The following HLCS variants were observed in gnomAD, a reference collection of about 807,000 sequenced individuals.
HLCS encodes biotin--protein ligase.
HLCS carries 53 observed loss-of-function variants against 75.0 expected under a neutral mutation model. The ratio of observed to expected loss-of-function variants is 0.71; its 90% CI spans 0.57 to 0.89. The LOEUF is 0.89. Ranked by LOEUF, HLCS falls within the 40% of genes least tolerant of loss-of-function variation. The pLI is 0.00. For synonymous variants in HLCS, 431 were observed against 428.6 expected (o/e 1.01, Z -0.07); for missense variants, 966 against 1,074.0 (o/e 0.90, Z 1.41).
chr21:36,780,637 T>C (rs749434960), intron 6 of HLCS, among the ~76,000 whole-genome samples: 1 of 152,162 alleles, frequency 6.6e-6, no homozygotes, highest in Non-Finnish European at 1.5e-5. Context: ...ATGAACACTC[T>C]TATTCGCATG....
At chr21:36,929,785 T>G (rs2066555969) in intron 5 of HLCS, among the ~76,000 whole-genome samples, 1 of 152,166 alleles carries the variant, frequency 6.6e-6, no homozygotes, top group South Asian at 2.1e-4. Flanking sequence ...CCAAGAGAAT[T>G]CCCGAACACA....
upstream of HLCS, among the ~76,000 whole-genome samples, chr21:36,970,233 C>A (rs906263652): frequency 6.6e-6 from 1 of 152,132 alleles, no homozygotes; most frequent in Non-Finnish European, 1.5e-5. Context: ...AGAAGGATAG[C>A]TTGTTTTGTT....
intron 2 of HLCS, among the ~76,000 whole-genome samples, chr21:36,952,039 A>G (rs891790942): frequency 6.6e-6 from 1 of 152,228 alleles, no homozygotes; most frequent in African/African-American, 2.4e-5. Context: ...ATTCAAAAAG[A>G]TATTTTAAAT....
intron 6 of HLCS, among the ~76,000 whole-genome samples, chr21:36,858,743 G>A (rs1434020439): frequency 2.0e-5 from 3 of 152,192 alleles, no homozygotes; most frequent in Admixed American, 1.3e-4. Flanking sequence ...AGGACCTCTG[G>A]GCATCTGCAG....
intron 6 of HLCS, among the ~76,000 whole-genome samples, chr21:36,812,345 C>T (rs868773264): frequency 1.3e-5 from 2 of 152,166 alleles, no homozygotes; most frequent in Non-Finnish European, 2.9e-5. Flanking sequence ...TTCTAACACA[C>T]AGAGTATGTT....
chr21:36,959,303 C>T (rs546209166), intron 2 of HLCS, among the ~76,000 whole-genome samples: 1 of 152,338 alleles, frequency 6.6e-6, no homozygotes, highest in African/African-American at 2.4e-5. Context: ...GACACACCAG[C>T]CCCCTGCCAC....
intron 6 of HLCS, among the ~76,000 whole-genome samples, chr21:36,793,549 C>G (rs928500482): frequency 6.6e-6 from 1 of 152,096 alleles, no homozygotes; most frequent in African/African-American, 2.4e-5. Flanking sequence ...ATCCACCCGC[C>G]TCGGCCTCCC....
chr21:36,762,782 G>A (rs898178383), intron 8 of HLCS, among the ~76,000 whole-genome samples: 3 of 152,296 alleles, frequency 2.0e-5, no homozygotes, highest in East Asian at 1.9e-4. Flanking sequence ...CCCGTTCACC[G>A]CTGAAGGCAA....
intron 6 of HLCS, among the ~76,000 whole-genome samples, chr21:36,780,775 CAG>C (rs1303190736): frequency 1.3e-5 from 2 of 152,124 alleles, no homozygotes; most frequent in African/African-American, 4.8e-5. Context: ...CACAGCCGCG[CAG>C]AGATACCTGT....
At position 36,792,188 on chromosome 21, in the gene HLCS, C is replaced by A. The variant is rs116006580; in HGVS notation, c.1893-24903G>T. 3.5e-3 allele frequency among the ~76,000 whole-genome samples: 539 copies of A among 152,116 alleles called. 1 individual carries two copies. The highest frequency in any genetic ancestry group is 0.012 in the African/African-American group (489 of 41,520). On this transcript the variant is annotated intron_variant, in intron 6 of 10. Coordinates refer to ENST00000674895, the MANE Select transcript of HLCS (RefSeq NM_001352514.2). The stretch of plus-strand genomic sequence containing the variant: ...CCAATAGTGAAACCTAGAAGGGGAC[C>A]CTGGTAAATCACCCGGCGGCTACCC...
At chr21:36,767,345 G>T in intron 6 of HLCS, 60 bp from the exon 7 acceptor site, 2 of 1,508,592 alleles carry the variant, frequency 1.3e-6, no homozygotes, top group Non-Finnish European at 1.8e-6. Context: ...GGCACCAATG[G>T]CTCACACAGG....
chr21:36,963,782 C>A (rs2146676180), intron 1 of HLCS, among the ~76,000 whole-genome samples: 1 of 152,302 alleles, frequency 6.6e-6, no homozygotes, highest in Admixed American at 6.5e-5. Flanking sequence ...TTTATCCAAG[C>A]ATAGAATGTG....
chr21:36,833,708 G>C (rs796684205), intron 6 of HLCS, among the ~76,000 whole-genome samples: 9 of 150,976 alleles, frequency 6.0e-5, no homozygotes, highest in African/African-American at 2.2e-4. Context: ...AGAGGATAAG[G>C]CATCAGTCAA....
At chr21:36,850,998 G>A (rs534985347) in intron 6 of HLCS, among the ~76,000 whole-genome samples, 5 of 152,248 alleles carry the variant, frequency 3.3e-5, no homozygotes, top group South Asian at 4.2e-4. Context: ...ACAGGTGATG[G>A]GCAGGGTGGG....
At chr21:36,911,428 A>T (rs2146400199) in intron 5 of HLCS, among the ~76,000 whole-genome samples, 1 of 152,166 alleles carries the variant, frequency 6.6e-6, no homozygotes, top group East Asian at 1.9e-4. Context: ...ACAGAAGGGG[A>T]CTATTTTGGT....
intron 10 of HLCS, among the ~76,000 whole-genome samples, chr21:36,755,828 C>A (rs910155253): frequency 6.6e-6 from 1 of 152,174 alleles, no homozygotes. Flanking sequence ...TGGGCCCAGC[C>A]CAGGGGTTTC....
intron 6 of HLCS, among the ~76,000 whole-genome samples, chr21:36,876,259 G>A (rs907074823): frequency 1.3e-5 from 2 of 152,180 alleles, no homozygotes; most frequent in African/African-American, 4.8e-5. Context: ...CTCAGGCAAA[G>A]GTACCACCAG....
chr21:36,834,360 T>C (rs1252316678), intron 6 of HLCS, among the ~76,000 whole-genome samples: 1 of 152,174 alleles, frequency 6.6e-6, no homozygotes. Context: ...AAAGGGAATG[T>C]CACTGAGCAC....
chr21:36,934,268 C>T (rs1319011656), intron 4 of HLCS, among the ~76,000 whole-genome samples: 2 of 152,044 alleles, frequency 1.3e-5, no homozygotes, highest in East Asian at 1.9e-4. Context: ...GCCACAAATG[C>T]GTGGAGAGGG....
Sources: gnomAD v4.1 joint callset for allele counts (sites outside exome capture counted in the v4.1 genomes callset) on GRCh38, gnomAD v4.1.1 for gene constraint, MANE v1.5 for transcripts, NCBI Gene and HGNC (gene_info 2026-07-23, HGNC 2026-07-21) for gene names.